Variants in OR56A3 observed in about 807,000 individuals in gnomAD.
OR56A3 encodes olfactory receptor family 56 subfamily A member 3, also known as olfactory receptor 56A3.
Under a neutral mutation model 17.5 loss-of-function variants are expected in OR56A3, and 23 were observed. That is an observed-to-expected ratio of 1.32 (90% CI 0.95 to 1.87). The LOEUF (loss-of-function observed/expected upper bound fraction) is 1.87. OR56A3 is among the 40% of genes most tolerant of loss of function. The pLI, the probability that OR56A3 is intolerant of heterozygous loss-of-function variation, is 0.00. For synonymous variants in OR56A3, 175 were observed against 150.6 expected, an observed-to-expected ratio of 1.16 and a Z score of -1.19; for missense variants, 366 against 380.1, an observed-to-expected ratio of 0.96 and a Z score of 0.31.
the OR56A3 span, among the ~76,000 whole-genome samples, chr11:5,968,716 G>C: frequency 6.6e-6 from 1 of 151,960 alleles, no homozygotes; most frequent in Non-Finnish European, 1.5e-5. Context: ...ATTTAGAAAA[G>C]CAAATAGACT....
the OR56A3 span, chr11:5,985,887 T>C: frequency 2.0e-6 from 3 of 1,502,710 alleles, no homozygotes; most frequent in Non-Finnish European, 2.7e-6. Context: ...CACAGGCTCC[T>C]GGCTGTGGTC....
the OR56A3 span, among the ~76,000 whole-genome samples, chr11:5,969,231 C>G: frequency 6.6e-6 from 1 of 152,188 alleles, no homozygotes; most frequent in Non-Finnish European, 1.5e-5. Flanking sequence ...CATTTATAAC[C>G]ACTAACCTAA....
chr11:5,970,113 A>G, the OR56A3 span, among the ~76,000 whole-genome samples: 6 of 152,224 alleles, frequency 3.9e-5, no homozygotes, highest in East Asian at 1.9e-4. Context: ...TCTGTAAACT[A>G]TCAAAATACA....
chr11:5,986,616 A>G, the OR56A3 span: 18 of 1,613,840 alleles, frequency 1.1e-5, no homozygotes, highest in Middle Eastern at 6.6e-4. Context: ...CGTGGGCATG[A>G]ACCAGGAGCA....
chr11:5,948,736 T>G lies in OR56A3; in HGVS notation c.*442T>G, dbSNP rs1847890152. On this transcript the variant is annotated 3_prime_UTR_variant, in exon 3 of 3. Coordinates refer to ENST00000641160, the MANE Select transcript of OR56A3 (RefSeq NM_001003443.3). ...AACACAGTAGTTGAAATTTCAGTCC[T>G]CAGTGGTGGAAAGTTGCTACTGGTC... 1 of 164,908 alleles carries G rather than the reference T, an allele frequency of 6.1e-6. No homozygotes were observed. The highest frequency in any genetic ancestry group is 2.4e-5 in the African/African-American group (1 of 41,552). The allele number at this position is 164,908 out of a possible 1,614,324, so 10.2% of individuals were successfully genotyped here.
At chr11:5,986,709 G>T in the OR56A3 span, 3 of 1,613,948 alleles carry the variant, frequency 1.9e-6, no homozygotes, top group South Asian at 1.1e-5. Context: ...ACATAGATTG[G>T]TGCAAGGATG....
chr11:5,958,673 T>C, the OR56A3 span, among the ~76,000 whole-genome samples: 1 of 152,166 alleles, frequency 6.6e-6, no homozygotes, highest in African/African-American at 2.4e-5. Flanking sequence ...AACAATACAA[T>C]GTATTATATC....
At chr11:5,982,967 C>T in the OR56A3 span, among the ~76,000 whole-genome samples, 1 of 152,102 alleles carries the variant, frequency 6.6e-6, no homozygotes, top group East Asian at 1.9e-4. Flanking sequence ...TGTCCTCCCT[C>T]AGTCTGCTCT....
intron 2 of OR56A3, among the ~76,000 whole-genome samples, chr11:5,946,205 C>T (rs1847868562): frequency 6.6e-6 from 1 of 152,196 alleles, no homozygotes; most frequent in South Asian, 2.1e-4. Flanking sequence ...TTTTTCCAGC[C>T]TATCCCCTAT....
the OR56A3 span, among the ~76,000 whole-genome samples, chr11:6,018,386 T>A: frequency 6.6e-6 from 1 of 151,964 alleles, no homozygotes; most frequent in East Asian, 1.9e-4. Flanking sequence ...CACAGTAGAA[T>A]AAAACTAAAA....
At chr11:6,014,593 T>C in the OR56A3 span, among the ~76,000 whole-genome samples, 2 of 152,006 alleles carry the variant, frequency 1.3e-5, no homozygotes, top group African/African-American at 4.8e-5. Context: ...TACCAAAGAG[T>C]GAGGCATTTT....
chr11:5,994,517 T>C, the OR56A3 span: 1 of 895,608 alleles, frequency 1.1e-6, no homozygotes, highest in African/African-American at 1.6e-5. Flanking sequence ...TTCCTTTTCA[T>C]GGTTCTTCAT....
At chr11:6,002,580 A>T in the OR56A3 span, 2 of 1,614,254 alleles carry the variant, frequency 1.2e-6, no homozygotes, top group Non-Finnish European at 1.7e-6. Context: ...GTCAGTGATG[A>T]TAGACGGGTA....
chr11:5,997,800 T>C, the OR56A3 span, among the ~76,000 whole-genome samples: 4 of 152,246 alleles, frequency 2.6e-5, no homozygotes, highest in African/African-American at 7.2e-5. Context: ...GGGGTCATTT[T>C]ATTATAGCCA....
At chr11:5,973,440 A>T in the OR56A3 span, among the ~76,000 whole-genome samples, 1 of 152,206 alleles carries the variant, frequency 6.6e-6, no homozygotes, top group Non-Finnish European at 1.5e-5. Context: ...GTGTGGTAGA[A>T]TCAACATATT....
chr11:5,953,675 T>G (rs549865852), downstream of OR56A3, among the ~76,000 whole-genome samples: 1 of 152,174 alleles, frequency 6.6e-6, no homozygotes, highest in Non-Finnish European at 1.5e-5. Context: ...AAAACTTCCC[T>G]GTCATTGACA....
At chr11:6,015,261 AG>A in the OR56A3 span, among the ~76,000 whole-genome samples, 1 of 152,174 alleles carries the variant, frequency 6.6e-6, no homozygotes, top group Admixed American at 6.5e-5. Context: ...GAAGCCTAGG[AG>A]GGAAGAACGG....
chr11:5,959,283 T>G, the OR56A3 span, among the ~76,000 whole-genome samples: 1 of 152,176 alleles, frequency 6.6e-6, no homozygotes, highest in African/African-American at 2.4e-5. Context: ...TCCACCAATA[T>G]TTGCTATTTT....
the OR56A3 span, among the ~76,000 whole-genome samples, chr11:5,991,951 GGT>G: frequency 6.6e-6 from 1 of 152,170 alleles, no homozygotes; most frequent in African/African-American, 2.4e-5. Context: ...AGCCCACAGG[GGT>G]AGGTGATTGG....
Sources: gnomAD v4.1 joint callset for allele counts (sites outside exome capture counted in the v4.1 genomes callset) on GRCh38, gnomAD v4.1.1 for gene constraint, MANE v1.5 for transcripts, NCBI Gene and HGNC (gene_info 2026-07-23, HGNC 2026-07-21) for gene names.